The following DOCK5 variants were observed in gnomAD, a reference collection of about 807,000 sequenced individuals.
DOCK5 encodes the protein dedicator of cytokinesis protein 5.
Under a neutral mutation model 251.8 loss-of-function variants are expected in DOCK5, and 142 were observed. The observed-to-expected ratio is 0.56, with a 90% CI of 0.49 to 0.65. DOCK5 has a LOEUF of 0.65. Ranked by LOEUF, DOCK5 falls within the 30% of genes least tolerant of loss-of-function variation. The probability of loss-of-function intolerance (pLI) is 0.00; values close to 1 mark genes in which losing one functional copy is unlikely to be tolerated. For synonymous variants in DOCK5, 842 were observed against 835.5 expected (o/e 1.01, Z -0.13); for missense variants, 2,111 against 2,312.3 (o/e 0.91, Z 1.79).
chr8:25,410,939 A>AATGTGTGTGTGTGTGTGTGTGTGTG (rs1554513012), intron 51 of DOCK5, among the ~76,000 whole-genome samples: 1 of 102,062 alleles, frequency 9.8e-6, no homozygotes, highest in Non-Finnish European at 2.1e-5. Flanking sequence ...GAGAGAGAAA[A>AATGTGTGTGTGTGTGTGTGTGTGTG]TGTGTGTGTG....
chr8:25,216,081 C>T (rs1802236086), intron 1 of DOCK5, among the ~76,000 whole-genome samples: 1 of 150,788 alleles, frequency 6.6e-6, no homozygotes, highest in African/African-American at 2.4e-5. Context: ...TACGTGTATA[C>T]AACATATGTA....
At chr8:25,347,669 C>G (rs1373223872) in intron 26 of DOCK5, among the ~76,000 whole-genome samples, 2 of 152,196 alleles carry the variant, frequency 1.3e-5, no homozygotes, top group African/African-American at 2.4e-5. Flanking sequence ...TTCTAGAAAT[C>G]ATATGTTTAT....
intron 2 of DOCK5, 41 bp from the exon 3 acceptor site, chr8:25,268,804 A>C: frequency 1.3e-6 from 2 of 1,532,500 alleles, no homozygotes; most frequent in Non-Finnish European, 1.8e-6. Context: ...ATGATATCCC[A>C]GAAAACATAA....
chr8:25,326,184 C>T (rs1328756432), intron 18 of DOCK5, among the ~76,000 whole-genome samples: 1 of 152,136 alleles, frequency 6.6e-6, no homozygotes, highest in African/African-American at 2.4e-5. Flanking sequence ...GTAAGGAACC[C>T]TACTGGATGT....
At chr8:25,325,576 T>C in intron 18 of DOCK5, 29 bp downstream of exon 18, 1 of 1,607,568 alleles carries the variant, frequency 6.2e-7, no homozygotes, top group East Asian at 2.2e-5. Flanking sequence ...CTGACACAAA[T>C]AAGCTTCTTG....
rs1217827135 is a variant in DOCK5 at position 25,211,479 on chromosome 8, G to A, written c.43+26528G>A. On this transcript the variant is annotated intron_variant, in intron 1 of 51. Coordinates refer to ENST00000276440, the MANE Select transcript of DOCK5 (RefSeq NM_024940.8). ...AAATATGGGCAAGCATTTGACTTGCGTCTTAAAGAAGGTTTACGATTTCTG... is the reference window on the plus strand; with the variant it reads ...AAATATGGGCAAGCATTTGACTTGCATCTTAAAGAAGGTTTACGATTTCTG... Among the ~76,000 whole-genome samples the A allele has an allele frequency of 2.4e-4, 17 of 71,242 alleles. 7 individuals carry two copies. The highest frequency in any genetic ancestry group is 4.6e-4 in the Non-Finnish European group (10 of 21,666). The allele number at this position is 71,242 out of a possible 152,430, so 46.7% of individuals were successfully genotyped here.
At chr8:25,354,048 AC>A (rs757144243) in intron 27 of DOCK5, among the ~76,000 whole-genome samples, 5,618 of 36,050 alleles carry the variant, frequency 0.16, 1,041 homozygotes, top group South Asian at 0.26. Flanking sequence ...AAAAAAAAAA[AC>A]AAACAAAAAA....
chr8:25,348,450 T>C (rs1456724250), intron 26 of DOCK5, among the ~76,000 whole-genome samples: 1 of 152,240 alleles, frequency 6.6e-6, no homozygotes, highest in Non-Finnish European at 1.5e-5. Flanking sequence ...CTCCAGGCAC[T>C]GGGATCAGCT....
At chr8:25,285,632 T>C (rs1804312698) in intron 5 of DOCK5, among the ~76,000 whole-genome samples, 3 of 152,166 alleles carry the variant, frequency 2.0e-5, no homozygotes, top group Admixed American at 2.0e-4. Flanking sequence ...GGCCCTTTCT[T>C]CCCATCATCG....
chr8:25,203,680 AAGAG>A (rs1801933285), intron 1 of DOCK5, among the ~76,000 whole-genome samples: 1 of 152,230 alleles, frequency 6.6e-6, no homozygotes, highest in Non-Finnish European at 1.5e-5. Context: ...AGACCAGGAA[AAGAG>A]AGAGCCTCTC....
intron 26 of DOCK5, among the ~76,000 whole-genome samples, chr8:25,349,673 C>A (rs1043475313): frequency 6.6e-6 from 1 of 152,118 alleles, no homozygotes; most frequent in African/African-American, 2.4e-5. Flanking sequence ...AATGGAAAAT[C>A]AAATATTATA....
At chr8:25,384,190 C>T (rs1357909599) in intron 40 of DOCK5, among the ~76,000 whole-genome samples, 1 of 152,180 alleles carries the variant, frequency 6.6e-6, no homozygotes, top group Non-Finnish European at 1.5e-5. Context: ...AGGCTGCGTA[C>T]TCTGTGGTTT....
At chr8:25,203,322 TC>T (rs1278135028) in intron 1 of DOCK5, among the ~76,000 whole-genome samples, 2 of 152,218 alleles carry the variant, frequency 1.3e-5, no homozygotes, top group African/African-American at 2.4e-5. Flanking sequence ...GAGGGTGGCA[TC>T]CAGTTTATCT....
At chr8:25,393,538 A>G (rs918200213) in intron 44 of DOCK5, among the ~76,000 whole-genome samples, 8 of 152,128 alleles carry the variant, frequency 5.3e-5, no homozygotes, top group Non-Finnish European at 8.8e-5. Flanking sequence ...CCCATCTCCT[A>G]GGCAATCTGT....
At chr8:25,222,488 C>G (rs550434997) in intron 1 of DOCK5, among the ~76,000 whole-genome samples, 4 of 152,052 alleles carry the variant, frequency 2.6e-5, no homozygotes, top group Non-Finnish European at 5.9e-5. Context: ...TGAGTAAAAG[C>G]GTGTGATATG....
chr8:25,364,873 C>T (rs1050287729), intron 30 of DOCK5, 169 bp downstream of exon 30: 21 of 502,290 alleles, frequency 4.2e-5, no homozygotes, highest in African/African-American at 1.9e-5. Flanking sequence ...CCTCCAAACA[C>T]AACAAAATAG....
intron 26 of DOCK5, among the ~76,000 whole-genome samples, chr8:25,347,412 A>T (rs766540345): frequency 2.0e-4 from 30 of 152,258 alleles, no homozygotes; most frequent in Non-Finnish European, 3.7e-4. Flanking sequence ...TTCATTAAGT[A>T]TGTTTATAGA....
rs1801653071 is a variant in DOCK5 at position 25,412,744 on chromosome 8, CAG to C, written c.*1450_*1451del. 6.6e-6 allele frequency: 1 copy of C among 152,228 alleles called. No homozygotes were observed. Among genetic ancestry groups the C allele is most frequent in the South Asian group, 2.1e-4 (1 of 4,830 alleles). The allele number at this position is 152,228 out of a possible 1,614,324, so 9.4% of individuals were successfully genotyped here. Reference sequence around the variant, plus strand: ...CTTTCCACTAAGGAGGTGAAGAGAACAGAGAAAGAGATTTCCATTTCTGCTGC... The same window carrying C: ...CTTTCCACTAAGGAGGTGAAGAGAACAGAAAGAGATTTCCATTTCTGCTGC... On this transcript the variant is annotated 3_prime_UTR_variant, in exon 52 of 52. Coordinates refer to ENST00000276440, the MANE Select transcript of DOCK5 (RefSeq NM_024940.8).
At chr8:25,322,195 A>T (rs542299393) in intron 16 of DOCK5, among the ~76,000 whole-genome samples, 123 of 152,348 alleles carry the variant, frequency 8.1e-4, no homozygotes, top group African/African-American at 2.9e-3. Context: ...AGCCAGCTGG[A>T]CACTCCCACG....
Sources: gnomAD v4.1 joint callset for allele counts (sites outside exome capture counted in the v4.1 genomes callset) on GRCh38, gnomAD v4.1.1 for gene constraint, MANE v1.5 for transcripts, NCBI Gene and HGNC (gene_info 2026-07-23, HGNC 2026-07-21) for gene names.